TRMT1L: variants seen among roughly 807,000 people sequenced by gnomAD.
TRMT1L encodes tRNA methyltransferase 1L, also known as tRNA (guanine(27)-N(2))-dimethyltransferase.
In TRMT1L, 28 loss-of-function variants were observed where a neutral mutation model predicts 81.6. The observed-to-expected ratio is 0.34, with a 90% CI of 0.25 to 0.47. The LOEUF (loss-of-function observed/expected upper bound fraction) is 0.47. Among genes scored for constraint, TRMT1L ranks in the 20% least tolerant of loss-of-function variants. TRMT1L has a pLI of 1.00. For synonymous variants in TRMT1L, 301 were observed against 303.2 expected, an observed-to-expected ratio of 0.99 and a Z score of 0.07; for missense variants, 739 against 877.1, an observed-to-expected ratio of 0.84 and a Z score of 1.99.
chr1:185,131,224 C>G (rs968563402), intron 10 of TRMT1L, among the ~76,000 whole-genome samples: 3 of 152,080 alleles, frequency 2.0e-5, no homozygotes, highest in Non-Finnish European at 4.4e-5. Flanking sequence ...TGGTCTCGAT[C>G]TCCTGACCTC....
intron 9 of TRMT1L, 73 bp from the exon 10 acceptor site, chr1:185,137,869 A>AT: frequency 6.9e-7 from 1 of 1,454,802 alleles, no homozygotes; most frequent in Non-Finnish European, 9.4e-7. Context: ...TGACAATATT[A>AT]ACCTGGACAG....
chr1:185,124,124 T>G (rs968275431), intron 12 of TRMT1L, among the ~76,000 whole-genome samples: 3 of 121,164 alleles, frequency 2.5e-5, no homozygotes, highest in South Asian at 2.6e-4. Flanking sequence ...CACTAGGATA[T>G]TCAATAGGCT....
intron 11 of TRMT1L, among the ~76,000 whole-genome samples, chr1:185,126,933 GT>G (rs1652645012): frequency 6.6e-6 from 1 of 152,218 alleles, no homozygotes; most frequent in Non-Finnish European, 1.5e-5. Context: ...AAAGGTGGAG[GT>G]TGCAGTAAGC....
At chr1:185,150,846 A>T (rs1653325061) in intron 2 of TRMT1L, among the ~76,000 whole-genome samples, 1 of 152,184 alleles carries the variant, frequency 6.6e-6, no homozygotes, top group African/African-American at 2.4e-5. Context: ...CAGCAGTTAC[A>T]CTCCCAAAAG....
In TRMT1L at chr1:185,137,733, C is replaced by G; in HGVS notation, c.1386G>C (p.Val462=). 6.2e-7 allele frequency: 1 copy of G among 1,614,124 alleles called. No homozygotes were observed. Among genetic ancestry groups the G allele is most frequent in the Non-Finnish European group, 8.5e-7 (1 of 1,180,010 alleles). The change falls in exon 10 of 15, where the codon GTG becomes GTC. Residue 462 remains valine, a synonymous_variant. Transcript: ENST00000367506. ...VLFAVALEHF[V]LVVVRVLRGP... Reference sequence around the variant, plus strand: ...CCCTCAAAACTCTCACAACTACCAACACAAAATGTTCCAGAGCCACTGCAA... The same window carrying G: ...CCCTCAAAACTCTCACAACTACCAAGACAAAATGTTCCAGAGCCACTGCAA...
chr1:185,156,684 A>C lies in TRMT1L; in HGVS notation c.29T>G (p.Leu10Arg). Residue 10 changes from leucine (L) to arginine (R), a missense_variant, in exon 1 of 15, where the codon CTG (leucine) becomes CGG (arginine). Leu to Arg is a moderately radical substitution (Grantham distance 102). Transcript: ENST00000367506. Reference sequence around the variant, plus strand: ...CTCCACCTCCTCCTTCTCCAGGGGCAGCAGCTCCTCCTCCGCCATATTCTC... The same window carrying C: ...CTCCACCTCCTCCTTCTCCAGGGGCCGCAGCTCCTCCTCCGCCATATTCTC... The part of the protein sequence containing the change: MENMAEEEL[L>R]PLEKEEVEVA... 3.1e-6 allele frequency: 5 copies of C among 1,612,450 alleles called. No homozygotes were observed. Among genetic ancestry groups the C allele is most frequent in the Non-Finnish European group, 4.2e-6 (5 of 1,179,740 alleles).
chr1:185,122,710 A>G (rs2102227354), intron 13 of TRMT1L, among the ~76,000 whole-genome samples: 1 of 133,622 alleles, frequency 7.5e-6, no homozygotes, highest in African/African-American at 2.9e-5. Flanking sequence ...TTTTTGAGAC[A>G]GTCTCGATCT....
chr1:185,157,319 G>A (rs1220108828), upstream of TRMT1L: 1 of 152,846 alleles, frequency 6.5e-6, no homozygotes, highest in Non-Finnish European at 1.5e-5. Flanking sequence ...GGTAAGGTAG[G>A]AACTGCGGGG....
chr1:185,124,551 G>A (rs1652575598), intron 12 of TRMT1L, among the ~76,000 whole-genome samples: 1 of 151,774 alleles, frequency 6.6e-6, no homozygotes. Context: ...TTAGCCAGGT[G>A]TGGTGTGCAT....
In TRMT1L at chr1:185,118,276, A is replaced by C. The variant is rs931545427; in HGVS notation, c.*1743T>G. On this transcript the variant is annotated 3_prime_UTR_variant, in exon 15 of 15. Coordinates refer to ENST00000367506, the MANE Select transcript of TRMT1L (RefSeq NM_030934.5). Reference sequence around the variant, plus strand: ...TGATGTAGTACCTGATCAGAGTTCTAAACTACCGCCTACCAAATTTTTCTT... The same window carrying C: ...TGATGTAGTACCTGATCAGAGTTCTCAACTACCGCCTACCAAATTTTTCTT... 1 of 152,190 alleles carries C rather than the reference A, an allele frequency of 6.6e-6. No individual in the cohort carries two copies. The highest frequency in any genetic ancestry group is 1.5e-5 in the Non-Finnish European group (1 of 68,024). 9.4% of individuals were successfully genotyped at this position (152,190 alleles called of 1,614,324 possible).
At chr1:185,150,656 T>C (rs1159656722) in intron 2 of TRMT1L, among the ~76,000 whole-genome samples, 164 bp from the exon 3 acceptor site, 1 of 152,204 alleles carries the variant, frequency 6.6e-6, no homozygotes, top group Non-Finnish European at 1.5e-5. Context: ...TTAACAGTAA[T>C]TGTTGCAGCA....
At chr1:185,156,456 G>A (rs371480284) in intron 1 of TRMT1L, 22 bp downstream of exon 1, 2 of 1,613,710 alleles carry the variant, frequency 1.2e-6, no homozygotes, top group Non-Finnish European at 1.7e-6. Flanking sequence ...GCAGCAGAAA[G>A]ATCTGGGCCT....
rs768919700 is a variant in TRMT1L at position 185,120,385 on chromosome 1, T to C, written c.1947A>G (p.Pro649=). Residue 649 remains proline (P), a splice_region_variant and synonymous_variant, in exon 14 of 15, where the codon CCA becomes CCG. Coordinates refer to ENST00000367506, the MANE Select transcript of TRMT1L (RefSeq NM_030934.5). ...TTGTCATTCACTGGGTGTCTTACTT[T>C]GGCATATTCATTCCTTTAATGCTGT... ...HRHSIKGMNM[P]KLKKFLCYLS... 2.6e-6 allele frequency: 4 copies of C among 1,555,888 alleles called. No individual in the cohort carries two copies. The highest frequency in any genetic ancestry group is 3.5e-6 in the Non-Finnish European group (4 of 1,155,008).
At position 185,118,177 on chromosome 1, in the gene TRMT1L, A is replaced by G. The variant is rs917717020; in HGVS notation, c.*1842T>C. 2.6e-5 allele frequency: 4 copies of G among 152,186 alleles called. No individual in the cohort carries two copies. The highest frequency in any genetic ancestry group is 2.0e-4 in the Admixed American group (3 of 15,280). The allele number at this position is 152,186 out of a possible 1,614,324, so 9.4% of individuals were successfully genotyped here. A position where few individuals can be genotyped will look rare whatever the true frequency, so the allele number is the denominator to read the frequency against. On this transcript the variant is annotated 3_prime_UTR_variant, in exon 15 of 15. Transcript: ENST00000367506. ...ATGATAAACATTTGCAATGTCCCAAATTACTACTATTGTTACGAGAATAAG... is the reference window on the plus strand; with the variant it reads ...ATGATAAACATTTGCAATGTCCCAAGTTACTACTATTGTTACGAGAATAAG...
chr1:185,125,941 G>C (rs1223445643), intron 11 of TRMT1L, among the ~76,000 whole-genome samples: 1 of 152,160 alleles, frequency 6.6e-6, no homozygotes, highest in African/African-American at 2.4e-5. Context: ...GCACATATAT[G>C]AGAATTATAT....
At chr1:185,132,642 G>C (rs1652803272) in intron 10 of TRMT1L, among the ~76,000 whole-genome samples, 1 of 151,874 alleles carries the variant, frequency 6.6e-6, no homozygotes, top group South Asian at 2.1e-4. Context: ...AATTATTTTA[G>C]AATACTGGGT....
chr1:185,152,175 A>G (rs1236084315), intron 1 of TRMT1L, among the ~76,000 whole-genome samples: 1 of 152,268 alleles, frequency 6.6e-6, no homozygotes, highest in African/African-American at 2.4e-5. Flanking sequence ...TAATTCTATG[A>G]AAAATGTTTC....
Position 185,143,416 on chromosome 1 carries a change from A to G in TRMT1L, c.800T>C (p.Leu267Ser). Residue 267 changes from leucine to serine, a missense_variant, in exon 7 of 15, where the codon TTG (leucine) becomes TCG (serine). Around this residue, in one of 4 missense-constraint regions of TRMT1L, gnomAD observed 331 missense variants for 462.2 expected, o/e 0.72. Transcript: ENST00000367506. The stretch of plus-strand genomic sequence containing the variant: ...TTTTCGTTCCTCAGCCAAAGCAGCC[A>G]ATGTACAGAATATTAGCTGCCTAGA... ...KLNRQLIFCT[L>S]AALAEERKPL... 1.2e-6 allele frequency: 2 copies of G among 1,610,752 alleles called. No individual in the cohort carries two copies. The highest frequency in any genetic ancestry group is 1.7e-6 in the Non-Finnish European group (2 of 1,178,180).
intron 10 of TRMT1L, among the ~76,000 whole-genome samples, chr1:185,133,065 G>A (rs925565068): frequency 1.3e-5 from 2 of 152,200 alleles, no homozygotes; most frequent in Non-Finnish European, 2.9e-5. Flanking sequence ...ATTACCTAAT[G>A]TGCTTAACTA....
Sources: gnomAD v4.1 joint callset for allele counts (sites outside exome capture counted in the v4.1 genomes callset) on GRCh38, gnomAD v4.1.1 for gene constraint, gnomAD v4.1.1 regional missense constraint, MANE v1.5 for transcripts, NCBI Gene and HGNC (gene_info 2026-07-23, HGNC 2026-07-21) for gene names.